GRM8: variants seen among roughly 807,000 people sequenced by gnomAD.
GRM8 encodes glutamate metabotropic receptor 8, also known as metabotropic glutamate receptor 8.
A neutral mutation model predicts 87.2 loss-of-function variants in GRM8; 47 were observed. The ratio of observed to expected loss-of-function variants is 0.54; its 90% CI spans 0.43 to 0.69. The LOEUF (loss-of-function observed/expected upper bound fraction) is 0.69. Among genes scored for constraint, GRM8 ranks in the 30% least tolerant of loss-of-function variants. The probability of loss-of-function intolerance (pLI) is 0.00; values close to 1 mark genes in which losing one functional copy is unlikely to be tolerated. For synonymous variants in GRM8, 396 were observed against 404.5 expected, an observed-to-expected ratio of 0.98 and a Z score of 0.25; for missense variants, 1,019 against 1,139.2, an observed-to-expected ratio of 0.89 and a Z score of 1.52.
At chr7:126,804,345 C>T (rs1792431147) in intron 6 of GRM8, among the ~76,000 whole-genome samples, 1 of 152,240 alleles carries the variant, frequency 6.6e-6, no homozygotes. Flanking sequence ...TGACTGCACA[C>T]AATCATTTTA....
intron 8 of GRM8, among the ~76,000 whole-genome samples, chr7:126,538,753 T>A (rs1406064825): frequency 6.6e-6 from 1 of 152,142 alleles, no homozygotes; most frequent in Non-Finnish European, 1.5e-5. Flanking sequence ...TGATTATTTT[T>A]AAACCATTAC....
chr7:126,472,319 G>A (rs540889013), intron 9 of GRM8, among the ~76,000 whole-genome samples: 50 of 152,192 alleles, frequency 3.3e-4, no homozygotes, highest in African/African-American at 1.2e-3. Flanking sequence ...TATTGGCTGT[G>A]GGTTTGTCAT....
chr7:127,153,345 A>T (rs1056124303), intron 2 of GRM8, among the ~76,000 whole-genome samples: 2 of 152,026 alleles, frequency 1.3e-5, no homozygotes, highest in East Asian at 1.9e-4. Flanking sequence ...GGAATTTTAT[A>T]AAAAAATTGA....
rs557538957 is a variant in GRM8, at chr7:126,847,365, T to C, written c.1156+55177A>G. Among the ~76,000 whole-genome samples the C allele has an allele frequency of 5.3e-5, 8 of 152,278 alleles. No homozygotes were observed. The East Asian group carries it at 1.5e-3, about 29-fold the overall frequency. On this transcript the variant is annotated intron_variant, in intron 6 of 10. Transcript: ENST00000339582. ...AAGATAAAAAGTGAGAAGTGACAAG[T>C]GTTCTAGATATCTAATGCTGTGTAA...
chr7:126,596,819 G>A (rs910673088), intron 8 of GRM8, among the ~76,000 whole-genome samples: 10 of 152,082 alleles, frequency 6.6e-5, no homozygotes, highest in Admixed American at 1.3e-4. Context: ...TCCTAGTTGC[G>A]ATACTGTACA....
At chr7:127,239,592 G>A (rs1798170578) in intron 2 of GRM8, among the ~76,000 whole-genome samples, 1 of 152,190 alleles carries the variant, frequency 6.6e-6, no homozygotes, top group South Asian at 2.1e-4. Flanking sequence ...TCAAAAAGGA[G>A]CTATATGCCA....
At chr7:126,899,459 T>C (rs550454481) in intron 6 of GRM8, among the ~76,000 whole-genome samples, 1 of 152,304 alleles carries the variant, frequency 6.6e-6, no homozygotes, top group Non-Finnish European at 1.5e-5. Flanking sequence ...TGGATGTCTT[T>C]CCCAAATCCT....
At chr7:127,075,315 A>G (rs1822142075) in intron 3 of GRM8, among the ~76,000 whole-genome samples, 2 of 152,198 alleles carry the variant, frequency 1.3e-5, no homozygotes, top group East Asian at 3.8e-4. Flanking sequence ...GTCCTTTATA[A>G]TTACATATTT....
chr7:127,040,743 G>A (rs1307914148), intron 3 of GRM8, among the ~76,000 whole-genome samples: 2 of 152,182 alleles, frequency 1.3e-5, no homozygotes, highest in Non-Finnish European at 2.9e-5. Flanking sequence ...TGGGAGTTTG[G>A]TCCCAAGTTA....
At chr7:126,842,553 A>C (rs1796373637) in intron 6 of GRM8, among the ~76,000 whole-genome samples, 2 of 152,182 alleles carry the variant, frequency 1.3e-5, no homozygotes, top group Non-Finnish European at 2.9e-5. Context: ...TTAAGGTTGG[A>C]GATGGGATTA....
intron 8 of GRM8, among the ~76,000 whole-genome samples, chr7:126,580,452 C>T (rs1054183856): frequency 6.6e-6 from 1 of 152,078 alleles, no homozygotes; most frequent in Non-Finnish European, 1.5e-5. Context: ...TTAAGGCTTT[C>T]TTCTTTTTCC....
chr7:126,609,238 G>T (rs1798669589), intron 8 of GRM8, 124 bp downstream of exon 8: 2 of 623,474 alleles, frequency 3.2e-6, no homozygotes, highest in South Asian at 6.3e-5. Flanking sequence ...AGAGAATCAA[G>T]TCATACATTT....
intron 3 of GRM8, among the ~76,000 whole-genome samples, chr7:126,970,036 C>T (rs1204590): frequency 0.73 from 111,125 of 151,960 alleles, 40,753 homozygotes; most frequent in East Asian, 0.96. Flanking sequence ...AGAGTGAGCA[C>T]AAAATATTCA....
chr7:127,224,678 T>C (rs1453324257), intron 2 of GRM8, among the ~76,000 whole-genome samples: 1 of 152,260 alleles, frequency 6.6e-6, no homozygotes, highest in Non-Finnish European at 1.5e-5. Flanking sequence ...CTAGATTCAG[T>C]TGATGATTAA....
At chr7:126,740,754 A>T (rs1442888776) in intron 7 of GRM8, among the ~76,000 whole-genome samples, 1 of 152,172 alleles carries the variant, frequency 6.6e-6, no homozygotes, top group Admixed American at 6.6e-5. Flanking sequence ...TGGTTTTGGC[A>T]GCAGAGTCTT....
chr7:126,759,114 T>A (rs538277877), intron 7 of GRM8, among the ~76,000 whole-genome samples: 66 of 152,028 alleles, frequency 4.3e-4, no homozygotes, highest in Non-Finnish European at 8.2e-4. Context: ...GCCAGGCTGG[T>A]CTCAAACTCC....
chr7:126,920,184 G>T (rs1390622372), intron 3 of GRM8, among the ~76,000 whole-genome samples: 1 of 152,136 alleles, frequency 6.6e-6, no homozygotes, highest in East Asian at 1.9e-4. Flanking sequence ...GAAGGCCATT[G>T]TCTGCAAGCC....
intron 3 of GRM8, among the ~76,000 whole-genome samples, chr7:127,100,903 C>A (rs527730683): frequency 6.6e-6 from 1 of 152,318 alleles, no homozygotes; most frequent in South Asian, 2.1e-4. Context: ...CTCACCTTAG[C>A]AACCACCTTT....
At chr7:126,751,180 C>T (rs1816371455) in intron 7 of GRM8, among the ~76,000 whole-genome samples, 1 of 151,740 alleles carries the variant, frequency 6.6e-6, no homozygotes, top group South Asian at 2.1e-4. Flanking sequence ...GAAAGAAAAC[C>T]AATGTGACTA....
Sources: gnomAD v4.1 joint callset for allele counts (sites outside exome capture counted in the v4.1 genomes callset) on GRCh38, gnomAD v4.1.1 for gene constraint, MANE v1.5 for transcripts, NCBI Gene and HGNC (gene_info 2026-07-23, HGNC 2026-07-21) for gene names.